Variants in DLG2 observed in about 807,000 individuals in gnomAD.
The protein encoded by DLG2 is disks large homolog 2.
Under a neutral mutation model 132.5 loss-of-function variants are expected in DLG2, and 45 were observed. That is an observed-to-expected ratio of 0.34 (90% CI 0.27 to 0.44). The LOEUF (loss-of-function observed/expected upper bound fraction) is 0.44. DLG2 is among the 20% of genes least tolerant of loss of function. The pLI is 1.00. For missense variants in DLG2, 1,045 were observed against 1,196.9 expected (o/e 0.87, Z 1.87); for synonymous variants, 424 against 419.6 (o/e 1.01, Z -0.13).
intron 3 of DLG2, among the ~76,000 whole-genome samples, chr11:85,393,049 A>G (rs1255524875): frequency 6.6e-6 from 1 of 152,074 alleles, no homozygotes; most frequent in Non-Finnish European, 1.5e-5. Flanking sequence ...AACCCATAGA[A>G]TAGGAGAAAA....
chr11:84,914,782 T>C (rs2092347529), intron 6 of DLG2, among the ~76,000 whole-genome samples: 1 of 152,238 alleles, frequency 6.6e-6, no homozygotes, highest in Admixed American at 6.5e-5. Flanking sequence ...AACAAGGCTC[T>C]AAACCTCCAT....
In DLG2 at chr11:85,391,112, C is replaced by T. The variant is rs146886395; in HGVS notation, c.41-105747G>A. Among the ~76,000 whole-genome samples, 856 of 152,028 alleles carry T rather than the reference C, an allele frequency of 5.6e-3. 10 individuals are homozygous for T. Among genetic ancestry groups the T allele is most frequent in the African/African-American group, 0.018 (740 of 41,520 alleles). Reference sequence around the variant, plus strand: ...AGAGGAAAAACAGGAGATATTGCAACGGATACCACAGAAATACAAAAGATC... The same window carrying T: ...AGAGGAAAAACAGGAGATATTGCAATGGATACCACAGAAATACAAAAGATC... On this transcript the variant is annotated intron_variant, in intron 3 of 27. Transcript: ENST00000376104.
intron 6 of DLG2, among the ~76,000 whole-genome samples, chr11:84,661,191 AGTTTTGTTTT>A (rs1212386594): frequency 6.6e-6 from 1 of 152,246 alleles, no homozygotes; most frequent in South Asian, 2.1e-4. Context: ...CTTTGCAGGT[AGTTTTGTTTT>A]GTTTTGTTTT....
At chr11:83,758,213 C>T (rs1029693361) in intron 18 of DLG2, among the ~76,000 whole-genome samples, 4 of 152,168 alleles carry the variant, frequency 2.6e-5, no homozygotes, top group African/African-American at 9.7e-5. Flanking sequence ...AAACCTGCCA[C>T]TTCTATTGGT....
intron 8 of DLG2, among the ~76,000 whole-genome samples, chr11:84,214,337 G>T (rs1229911178): frequency 6.8e-6 from 1 of 146,934 alleles, no homozygotes; most frequent in Non-Finnish European, 1.5e-5. Context: ...GTTTTTATGT[G>T]TACATACATA....
At chr11:85,466,431 T>G (rs564978692) in intron 3 of DLG2, among the ~76,000 whole-genome samples, 8 of 152,228 alleles carry the variant, frequency 5.3e-5, no homozygotes, top group Admixed American at 2.0e-4. Flanking sequence ...TTCTAAGGTT[T>G]TATGGTTTTA....
rs2154173971 is a variant in DLG2 at position 83,980,618 on chromosome 11, C to T, written c.944G>A (p.Gly315Asp). ...TCCAGGAATGTGTTGGTTCCCCACACCTCCTGCAATACTGAAGCCTAAACC... is the reference window on the plus strand; with the variant it reads ...TCCAGGAATGTGTTGGTTCCCCACATCTCCTGCAATACTGAAGCCTAAACC... ...PKGLGFSIAG[G>D]VGNQHIPGDN... Residue 315 changes from glycine to aspartate, a missense_variant, in exon 12 of 28, where the codon GGT becomes GAT. Transcript: ENST00000376104. 1 of 1,612,778 alleles carries T rather than the reference C, an allele frequency of 6.2e-7. No individual in the cohort carries two copies. Among genetic ancestry groups the T allele is most frequent in the Non-Finnish European group, 8.5e-7 (1 of 1,179,342 alleles).
intron 23 of DLG2, 49 bp from the exon 24 acceptor site, chr11:83,471,776 A>C: frequency 6.9e-7 from 1 of 1,447,024 alleles, no homozygotes. Context: ...AGTTGGAAAC[A>C]ACTGCAAAAC....
chr11:84,502,390 CTTTCTTTCTTTCTTTCTT>C (rs2099221329), intron 7 of DLG2, among the ~76,000 whole-genome samples: 1 of 91,488 alleles, frequency 1.1e-5, no homozygotes, highest in Non-Finnish European at 2.1e-5. Flanking sequence ...TTCTTTCTTT[CTTTCTTTCTTTCTTTCTT>C]TCTTTCTATA....
At chr11:84,831,434 T>C (rs2079045440) in intron 6 of DLG2, among the ~76,000 whole-genome samples, 1 of 151,642 alleles carries the variant, frequency 6.6e-6, no homozygotes, top group South Asian at 2.1e-4. Flanking sequence ...CATATCTACT[T>C]TAAATCTTTG....
chr11:85,203,306 G>C (rs1027013870), intron 4 of DLG2, among the ~76,000 whole-genome samples: 1 of 151,466 alleles, frequency 6.6e-6, no homozygotes, highest in African/African-American at 2.4e-5. Context: ...CAAAAAAAGA[G>C]AAGAGCCATA....
At chr11:83,490,971 G>A (rs2093807076) in intron 21 of DLG2, among the ~76,000 whole-genome samples, 1 of 151,658 alleles carries the variant, frequency 6.6e-6, no homozygotes, top group Admixed American at 6.6e-5. Flanking sequence ...CTTAGTAACA[G>A]GTAAAATATA....
chr11:85,117,240 C>A (rs1302580757), intron 5 of DLG2, among the ~76,000 whole-genome samples: 1 of 151,970 alleles, frequency 6.6e-6, no homozygotes, highest in African/African-American at 2.4e-5. Context: ...GAAGGGGAAA[C>A]TTCCAAAGAC....
intron 18 of DLG2, among the ~76,000 whole-genome samples, chr11:83,687,013 T>C (rs2079911126): frequency 6.6e-6 from 1 of 152,232 alleles, no homozygotes; most frequent in East Asian, 1.9e-4. Context: ...AAACAGGAAA[T>C]TTGAGCACAG....
At chr11:84,218,901 GATAAACA>G (rs1189415300) in intron 8 of DLG2, among the ~76,000 whole-genome samples, 1 of 152,154 alleles carries the variant, frequency 6.6e-6, no homozygotes, top group Non-Finnish European at 1.5e-5. Flanking sequence ...GGCCAAAGCT[GATAAACA>G]ATTTAGACTG....
At chr11:84,808,082 G>A (rs1287731071) in intron 6 of DLG2, among the ~76,000 whole-genome samples, 3 of 152,034 alleles carry the variant, frequency 2.0e-5, no homozygotes, top group Non-Finnish European at 4.4e-5. Flanking sequence ...ACAATGCATT[G>A]TATCCAGAGC....
At chr11:85,123,646 T>G (rs1409979739) in intron 5 of DLG2, among the ~76,000 whole-genome samples, 1 of 152,188 alleles carries the variant, frequency 6.6e-6, no homozygotes, top group Non-Finnish European at 1.5e-5. Context: ...ACTTTCGGCT[T>G]AAATTTACTT....
intron 18 of DLG2, among the ~76,000 whole-genome samples, chr11:83,641,121 G>C (rs920351368): frequency 6.6e-6 from 1 of 152,192 alleles, no homozygotes; most frequent in Admixed American, 6.5e-5. Context: ...ATGAATAAAA[G>C]CATCTTTTTC....
chr11:84,600,195 A>G (rs552633245), intron 6 of DLG2, among the ~76,000 whole-genome samples: 32 of 133,222 alleles, frequency 2.4e-4, no homozygotes, highest in Non-Finnish European at 4.7e-4. Flanking sequence ...AAAGAAAGAA[A>G]GAAAGAAAGA....
Sources: gnomAD v4.1 joint callset for allele counts (sites outside exome capture counted in the v4.1 genomes callset) on GRCh38, gnomAD v4.1.1 for gene constraint, MANE v1.5 for transcripts, NCBI Gene and HGNC (gene_info 2026-07-23, HGNC 2026-07-21) for gene names.